UBN2: variants seen among roughly 807,000 people sequenced by gnomAD.
UBN2 encodes ubinuclein-2.
UBN2 carries 35 observed loss-of-function variants against 120.2 expected under a neutral mutation model. The ratio of observed to expected loss-of-function variants is 0.29; its 90% CI spans 0.22 to 0.39. UBN2 has a LOEUF of 0.39. UBN2 is among the 10% of genes least tolerant of loss of function. The probability of loss-of-function intolerance (pLI) is 1.00; values close to 1 mark genes in which losing one functional copy is unlikely to be tolerated. For synonymous variants in UBN2, 661 were observed against 648.7 expected, an observed-to-expected ratio of 1.02 and a Z score of -0.29; for missense variants, 1,693 against 1,663.2, an observed-to-expected ratio of 1.02 and a Z score of -0.31.
chr7:139,301,207 T>A lies in UBN2; in HGVS notation c.*3371T>A, dbSNP rs1798249360. On this transcript the variant is annotated 3_prime_UTR_variant, in exon 18 of 18. Coordinates refer to ENST00000473989, the MANE Select transcript of UBN2 (RefSeq NM_173569.4). ...ACCGGGCACATATGTGTTGGAATAC[T>A]GTGGGTTTGACACCTGGTTGAAAAC... is the stretch of plus-strand genomic sequence containing the variant. 6.6e-6 allele frequency: 1 copy of A among 152,208 alleles called. No individual in the cohort carries two copies. The highest frequency in any genetic ancestry group is 1.5e-5 in the Non-Finnish European group (1 of 68,040). 9.4% of individuals were successfully genotyped at this position (152,208 alleles called of 1,614,324 possible). A position where few individuals can be genotyped will look rare whatever the true frequency, so the allele number is the denominator to read the frequency against.
intron 2 of UBN2, among the ~76,000 whole-genome samples, chr7:139,238,079 C>T (rs187221779): frequency 4.3e-4 from 66 of 152,210 alleles, no homozygotes; most frequent in African/African-American, 1.6e-3. Context: ...CACTCCTCAC[C>T]CCACATTTAC....
intron 3 of UBN2, among the ~76,000 whole-genome samples, chr7:139,256,876 C>T (rs1207587877): frequency 1.3e-5 from 2 of 152,134 alleles, no homozygotes; most frequent in Non-Finnish European, 2.9e-5. Context: ...TGTGATTAAA[C>T]TGGAACCTCT....
chr7:139,266,246 G>GA (rs974367743), intron 6 of UBN2, 87 bp from the exon 7 acceptor site: 6 of 518,562 alleles, frequency 1.2e-5, no homozygotes, highest in South Asian at 1.0e-4. Context: ...AAAAAAAAAA[G>GA]AAAAAAACCT....
At chr7:139,293,123 G>T in intron 15 of UBN2, 109 bp from the exon 16 acceptor site, 1 of 878,442 alleles carries the variant, frequency 1.1e-6, no homozygotes, top group Non-Finnish European at 1.8e-6. Context: ...CAACGTTTCT[G>T]TCAGAGCAGA....
intron 1 of UBN2, among the ~76,000 whole-genome samples, chr7:139,236,262 A>C (rs945294665): frequency 3.3e-5 from 5 of 152,184 alleles, no homozygotes; most frequent in African/African-American, 9.7e-5. Flanking sequence ...CCCCTACTAG[A>C]AGAAAGGCAT....
the UBN2 span, among the ~76,000 whole-genome samples, chr7:139,316,077 C>CAAAAAAAAAAAAAAA: frequency 4.2e-4 from 6 of 14,186 alleles, no homozygotes; most frequent in Non-Finnish European, 8.9e-4. Flanking sequence ...GACTTCGTCT[C>CAAAAAAAAAAAAAAA]AAAAAAAAAA....
the UBN2 span, among the ~76,000 whole-genome samples, chr7:139,314,438 G>A: frequency 2.0e-5 from 3 of 151,712 alleles, no homozygotes; most frequent in African/African-American, 2.4e-5. Flanking sequence ...CAGCCTGGGC[G>A]ACAAAGAGAA....
At chr7:139,312,187 C>G (rs1221694382), downstream of UBN2, among the ~76,000 whole-genome samples, 1 of 152,200 alleles carries the variant, frequency 6.6e-6, no homozygotes, top group Non-Finnish European at 1.5e-5. Context: ...TCTGCTCTGT[C>G]CCACAGGCAC....
chr7:139,264,916 T>C (rs1045188434), intron 6 of UBN2, among the ~76,000 whole-genome samples: 1 of 152,154 alleles, frequency 6.6e-6, no homozygotes, highest in African/African-American at 2.4e-5. Flanking sequence ...ACATATAAGA[T>C]GTAGATATTT....
In UBN2 at chr7:139,231,532, G is replaced by T; in HGVS notation, c.48G>T (p.Arg16=). ...RVAFISLSPV[R]RREAEYPGPE... is the part of the protein sequence containing the mutation. ...CGTTCATTAGCTTGTCACCGGTGCG[G>T]CGGCGCGAGGCCGAGTACCCGGGGC... is the stretch of plus-strand genomic sequence containing the variant. Residue 16 remains arginine, a synonymous_variant, in exon 1 of 18, where the codon CGG becomes CGT. Coordinates refer to ENST00000473989, the MANE Select transcript of UBN2 (RefSeq NM_173569.4). 3.5e-6 allele frequency: 5 copies of T among 1,420,140 alleles called. No homozygotes were observed. The highest frequency in any genetic ancestry group is 4.6e-6 in the Non-Finnish European group (5 of 1,079,148). 88.0% of individuals were successfully genotyped at this position (1,420,140 alleles called of 1,614,324 possible). A position where few individuals can be genotyped will look rare whatever the true frequency, so the allele number is the denominator to read the frequency against.
intron 6 of UBN2, among the ~76,000 whole-genome samples, chr7:139,262,691 G>C (rs1327567481): frequency 6.7e-6 from 1 of 148,520 alleles, no homozygotes; most frequent in Non-Finnish European, 1.5e-5. Flanking sequence ...TCCATCCTGG[G>C]TGACAGAGCA....
intron 2 of UBN2, among the ~76,000 whole-genome samples, chr7:139,238,538 C>G (rs1796224671): frequency 1.3e-5 from 2 of 152,134 alleles, no homozygotes; most frequent in African/African-American, 4.8e-5. Context: ...ATTCTTCTGC[C>G]TCAGCCACCT....
At chr7:139,325,520 C>T in the UBN2 span, among the ~76,000 whole-genome samples, 13 of 152,200 alleles carry the variant, frequency 8.5e-5, no homozygotes, top group East Asian at 1.9e-3. Context: ...CCACCTGCCT[C>T]GGCCTCCCAA....
At chr7:139,269,575 A>G (rs763165788) in intron 8 of UBN2, 52 bp downstream of exon 8, 24 of 1,592,052 alleles carry the variant, frequency 1.5e-5, no homozygotes, top group Middle Eastern at 1.7e-4. Flanking sequence ...ACCTGTAAAG[A>G]TACTTGTTTC....
At chr7:139,263,679 T>G (rs1468304478) in intron 6 of UBN2, among the ~76,000 whole-genome samples, 1 of 145,540 alleles carries the variant, frequency 6.9e-6, no homozygotes, top group African/African-American at 2.6e-5. Context: ...GAGGCTGAGG[T>G]GGGAGAATTG....
At chr7:139,284,705 T>C in intron 15 of UBN2, 131 bp downstream of exon 15, 1 of 778,732 alleles carries the variant, frequency 1.3e-6, no homozygotes, top group Non-Finnish European at 2.0e-6. Flanking sequence ...CCTGCAGCCA[T>C]GGAATGTTCC....
the UBN2 span, among the ~76,000 whole-genome samples, chr7:139,318,389 G>GT: frequency 6.6e-6 from 1 of 152,124 alleles, no homozygotes; most frequent in Non-Finnish European, 1.5e-5. Context: ...GCAGTTTACG[G>GT]TTTTTTACTA....
chr7:139,282,154 T>C (rs1585021118), intron 14 of UBN2, 99 bp downstream of exon 14: 1 of 973,668 alleles, frequency 1.0e-6, no homozygotes, highest in Non-Finnish European at 1.6e-6. Context: ...ATACGACTTT[T>C]ATGTAATAGG....
the UBN2 span, among the ~76,000 whole-genome samples, chr7:139,313,407 A>C: frequency 3.9e-5 from 6 of 152,324 alleles, no homozygotes; most frequent in Middle Eastern, 3.4e-3. Context: ...TGTTGGTACT[A>C]AGGAATGCTA....
Sources: allele counts gnomAD v4.1 joint callset (sites outside exome capture counted in the v4.1 genomes callset), GRCh38; gene constraint gnomAD v4.1.1; transcripts MANE v1.5; gene names NCBI Gene and HGNC (gene_info 2026-07-23, HGNC 2026-07-21).